SOX6: variants seen among roughly 807,000 people sequenced by gnomAD.
The protein encoded by SOX6 is transcription factor SOX-6.
In SOX6, 11 loss-of-function variants were observed where a neutral mutation model predicts 97.8. The observed-to-expected ratio is 0.11, with a 90% CI of 0.07 to 0.19. The LOEUF is 0.19. Ranked by LOEUF, SOX6 falls within the 10% of genes least tolerant of loss-of-function variation. The pLI, the probability that SOX6 is intolerant of heterozygous loss-of-function variation, is 1.00. For missense variants in SOX6, 810 were observed against 1,039.5 expected (o/e 0.78, Z 3.04); for synonymous variants, 360 against 371.4 (o/e 0.97, Z 0.35).
chr11:16,542,468 A>G (rs1225940853), intron 4 of SOX6, among the ~76,000 whole-genome samples: 2 of 152,236 alleles, frequency 1.3e-5, no homozygotes, highest in Admixed American at 6.5e-5. Context: ...TATAATAAAA[A>G]ATAAATTTAA....
intron 1 of SOX6, among the ~76,000 whole-genome samples, chr11:16,464,384 A>G (rs1475528665): frequency 6.6e-6 from 1 of 152,072 alleles, no homozygotes; most frequent in Non-Finnish European, 1.5e-5. Flanking sequence ...TTTAAGATAC[A>G]TGTCTTGGGT....
intron 1 of SOX6, chr11:16,382,513 G>C (rs775687298): frequency 9.2e-5 from 14 of 151,916 alleles, no homozygotes; most frequent in Non-Finnish European, 1.5e-4. Flanking sequence ...AATTAATAAG[G>C]AGTGCTCTCT....
intron 2 of SOX6, among the ~76,000 whole-genome samples, chr11:16,723,791 AAAAG>A (rs1014563542): frequency 2.6e-5 from 4 of 152,178 alleles, no homozygotes; most frequent in African/African-American, 9.7e-5. Flanking sequence ...CAAAAAATAA[AAAAG>A]AAAGAAAAGT....
chr11:16,115,820 T>C (rs1432245661), intron 6 of SOX6, among the ~76,000 whole-genome samples: 1 of 152,170 alleles, frequency 6.6e-6, no homozygotes, highest in Non-Finnish European at 1.5e-5. Context: ...GAAAATAATT[T>C]TGTGTTTCAA....
chr11:16,481,827 A>T (rs887181961), intron 4 of SOX6, among the ~76,000 whole-genome samples: 1 of 152,208 alleles, frequency 6.6e-6, no homozygotes, highest in African/African-American at 2.4e-5. Flanking sequence ...TGTTACATTT[A>T]TCAATACTTA....
In SOX6 at chr11:16,562,440, A is replaced by G. The variant is rs1847826348; in HGVS notation, n.609+49641T>C. ...AAAAAAGTTTGCTCTCTCTATCCCA[A>G]GGACCAGGAAAGAGGCAGCTTTTAG... On this transcript the variant is annotated intron_variant and non_coding_transcript_variant, in intron 4 of 5. Transcript: ENST00000524520. Among the ~76,000 whole-genome samples, 4 of 152,282 alleles carry G rather than the reference A, an allele frequency of 2.6e-5. 1 individual carries two copies. The South Asian group carries it at 8.3e-4, about 32-fold the overall frequency.
intron 4 of SOX6, among the ~76,000 whole-genome samples, chr11:16,578,086 A>AT (rs1293384455): frequency 1.3e-5 from 2 of 152,076 alleles, no homozygotes; most frequent in Admixed American, 1.3e-4. Flanking sequence ...TGTTGGGTTA[A>AT]TTTTTTATAT....
chr11:16,404,050 A>G (rs893369039), intron 1 of SOX6, among the ~76,000 whole-genome samples: 1 of 151,710 alleles, frequency 6.6e-6, no homozygotes, highest in Non-Finnish European at 1.5e-5. Context: ...ACACACTGTA[A>G]AAGTGTCTTC....
intron 1 of SOX6, among the ~76,000 whole-genome samples, chr11:16,344,663 T>C (rs555849386): frequency 3.3e-5 from 5 of 152,096 alleles, no homozygotes; most frequent in South Asian, 4.1e-4. Flanking sequence ...CCCCAACATA[T>C]TAAAACAGCA....
At chr11:16,674,336 A>G (rs570898742) in intron 3 of SOX6, among the ~76,000 whole-genome samples, 1 of 152,336 alleles carries the variant, frequency 6.6e-6, no homozygotes, top group South Asian at 2.1e-4. Context: ...AAAGCATTTG[A>G]TAAGATTCAA....
At position 16,332,920 on chromosome 11, in the gene SOX6, G is replaced by C. The variant is rs547269843; in HGVS notation, c.237+8092C>G. 3.9e-5 allele frequency among the ~76,000 whole-genome samples: 6 copies of C among 152,262 alleles called. No individual in the cohort carries two copies. The South Asian group carries it at 1.2e-3, about 32-fold the overall frequency. Reference sequence around the variant, plus strand: ...CTTTTTTGCAGAGGACAATCAAACAGTGGAATAATTTTAGTATCAAGGTAA... The same window carrying C: ...CTTTTTTGCAGAGGACAATCAAACACTGGAATAATTTTAGTATCAAGGTAA... On this transcript the variant is annotated intron_variant, in intron 2 of 15. Transcript: ENST00000683767.
At chr11:16,732,192 C>G (rs1387645137) in intron 2 of SOX6, among the ~76,000 whole-genome samples, 4 of 152,152 alleles carry the variant, frequency 2.6e-5, no homozygotes, top group Non-Finnish European at 5.9e-5. Flanking sequence ...TCAATGCTAT[C>G]CCCATCAAGC....
At chr11:16,446,936 T>G (rs547602811) in intron 1 of SOX6, among the ~76,000 whole-genome samples, 1 of 150,090 alleles carries the variant, frequency 6.7e-6, no homozygotes, top group Non-Finnish European at 1.5e-5. Flanking sequence ...TTCTGTTTCT[T>G]TCTTTACTTT....
intron 1 of SOX6, among the ~76,000 whole-genome samples, chr11:16,408,516 T>C (rs144379609): frequency 1.1e-3 from 174 of 152,310 alleles, no homozygotes; most frequent in African/African-American, 4.0e-3. Flanking sequence ...AAAATTATCA[T>C]ACAATTAGAA....
intron 4 of SOX6, among the ~76,000 whole-genome samples, chr11:16,496,943 C>T (rs961410520): frequency 3.3e-5 from 5 of 152,156 alleles, no homozygotes; most frequent in African/African-American, 1.2e-4. Context: ...ACTTAAATGT[C>T]CCTGTCTGAC....
rs949619466 is a variant in SOX6 at position 15,989,242 on chromosome 11, G to A, written c.1733-12C>T. On this transcript the variant is annotated splice_polypyrimidine_tract_variant and intron_variant, in intron 13 of 15. Transcript: ENST00000683767. Reference sequence around the variant, plus strand: ...CATTGCTTTACTTCCTGTAATGTCAGGGCAGGAAGAACAAGATGAGTGGAA... The same window carrying A: ...CATTGCTTTACTTCCTGTAATGTCAAGGCAGGAAGAACAAGATGAGTGGAA... 1 of 1,581,012 alleles carries A rather than the reference G, an allele frequency of 6.3e-7. No individual in the cohort carries two copies. The highest frequency in any genetic ancestry group is 1.4e-5 in the African/African-American group (1 of 74,068).
At chr11:16,379,278 C>T (rs1857734248) in intron 1 of SOX6, among the ~76,000 whole-genome samples, 2 of 152,032 alleles carry the variant, frequency 1.3e-5, no homozygotes, top group Admixed American at 1.3e-4. Flanking sequence ...ACCAGCCTGA[C>T]CAACATGGAG....
At chr11:16,524,205 T>A (rs1333427218) in intron 4 of SOX6, among the ~76,000 whole-genome samples, 1 of 152,052 alleles carries the variant, frequency 6.6e-6, no homozygotes, top group East Asian at 1.9e-4. Context: ...ATATCCTTGA[T>A]GAACATTGAT....
intron 3 of SOX6, among the ~76,000 whole-genome samples, chr11:16,635,831 T>C (rs1490692452): frequency 6.6e-6 from 1 of 152,228 alleles, no homozygotes; most frequent in Non-Finnish European, 1.5e-5. Context: ...CTTCAGAGCA[T>C]GCAAGCCCCA....
Sources: gnomAD v4.1 joint callset for allele counts (sites outside exome capture counted in the v4.1 genomes callset) on GRCh38, gnomAD v4.1.1 for gene constraint, MANE v1.5 for transcripts, NCBI Gene and HGNC (gene_info 2026-07-23, HGNC 2026-07-21) for gene names.